PPP2R5C: variants seen among roughly 807,000 people sequenced by gnomAD.
The protein encoded by PPP2R5C is protein phosphatase 2 regulatory subunit B'gamma.
Under a neutral mutation model 68.9 loss-of-function variants are expected in PPP2R5C, and 7 were observed. The observed-to-expected ratio is 0.10, with a 90% CI of 0.06 to 0.19. PPP2R5C has a LOEUF of 0.19. Ranked by LOEUF, PPP2R5C falls within the 10% of genes least tolerant of loss-of-function variation. PPP2R5C has a pLI of 1.00. For missense variants in PPP2R5C, 348 were observed against 641.3 expected (o/e 0.54, Z 4.94); for synonymous variants, 210 against 222.2 (o/e 0.95, Z 0.49).
intron 1 of PPP2R5C, among the ~76,000 whole-genome samples, chr14:101,813,399 C>T (rs1176681614): frequency 6.6e-6 from 1 of 152,150 alleles, no homozygotes; most frequent in Non-Finnish European, 1.5e-5. Context: ...TGGATTTGGC[C>T]CATGGACCAT....
intron 2 of PPP2R5C, among the ~76,000 whole-genome samples, chr14:101,878,447 C>T (rs970480647): frequency 5.3e-5 from 8 of 152,164 alleles, no homozygotes; most frequent in African/African-American, 1.4e-4. Flanking sequence ...TGTCACTGTG[C>T]GGGAGAGCTT....
At chr14:101,883,732 C>T (rs2044303246) in intron 5 of PPP2R5C, among the ~76,000 whole-genome samples, 170 bp downstream of exon 7, 1 of 152,116 alleles carries the variant, frequency 6.6e-6, no homozygotes, top group Non-Finnish European at 1.5e-5. Flanking sequence ...GTGCAGGGGG[C>T]TGCTGGGCTC....
chr14:101,819,182 C>T, intron 1 of PPP2R5C: 1 of 1,142,142 alleles, frequency 8.8e-7, no homozygotes, highest in Non-Finnish European at 1.3e-6. Flanking sequence ...GGTTTTTTTC[C>T]CAGCTTTATG....
chr14:101,887,845 T>C (rs368886758), intron 5 of PPP2R5C, among the ~76,000 whole-genome samples: 29 of 152,224 alleles, frequency 1.9e-4, no homozygotes, highest in African/African-American at 6.5e-4. Context: ...TGGAGACTTC[T>C]ATAGCCAGCA....
intron 1 of PPP2R5C, among the ~76,000 whole-genome samples, chr14:101,854,856 A>G (rs1022945737): frequency 3.9e-5 from 6 of 152,194 alleles, no homozygotes; most frequent in Non-Finnish European, 7.3e-5. Context: ...TTTTAACAGA[A>G]ATAACACATT....
At chr14:101,788,850 A>G (rs1595168183) in intron 3 of PPP2R5C, among the ~76,000 whole-genome samples, 2 of 152,232 alleles carry the variant, frequency 1.3e-5, no homozygotes, top group Non-Finnish European at 2.9e-5. Flanking sequence ...CCATCTAGGA[A>G]GATGGTATAT....
chr14:101,857,315 A>G (rs538813765), intron 2 of PPP2R5C, among the ~76,000 whole-genome samples: 97 of 152,378 alleles, frequency 6.4e-4, no homozygotes, highest in African/African-American at 2.2e-3. Flanking sequence ...AAATATTGAC[A>G]GAACCAAGCT....
At chr14:101,923,289 G>A (rs1595569315) in intron 13 of PPP2R5C, among the ~76,000 whole-genome samples, 1 of 152,222 alleles carries the variant, frequency 6.6e-6, no homozygotes, top group Non-Finnish European at 1.5e-5. Flanking sequence ...TCATGTTTGT[G>A]TTCTCAGTTT....
intron 1 of PPP2R5C, among the ~76,000 whole-genome samples, chr14:101,828,959 G>C (rs1401886435): frequency 1.3e-5 from 2 of 152,152 alleles, no homozygotes; most frequent in Non-Finnish European, 2.9e-5. Context: ...GAGTACAGGC[G>C]CAAGCCACCG....
rs1280317238 is a variant in PPP2R5C, at chr14:101,917,950, A to G, written c.1443+3A>G. ...CAGTGAAGGACGAGGCTCATCAGGTAAAAGTGCACCGAGCTCAGCTGGGCA... is the reference window on the plus strand; with the variant it reads ...CAGTGAAGGACGAGGCTCATCAGGTGAAAGTGCACCGAGCTCAGCTGGGCA... On this transcript the variant is annotated splice_donor_region_variant and intron_variant, in intron 13 of 13. Coordinates refer to ENST00000334743, the Ensembl canonical transcript of PPP2R5C. The surrounding 1 kb of genome is among the most constrained non-coding windows in gnomAD (Gnocchi z 4.4). 1 of 1,613,860 alleles carries G rather than the reference A, an allele frequency of 6.2e-7. No individual in the cohort carries two copies. Among genetic ancestry groups the G allele is most frequent in the South Asian group, 1.1e-5 (1 of 91,082 alleles).
intron 1 of PPP2R5C, among the ~76,000 whole-genome samples, chr14:101,762,592 G>A (rs562270293): frequency 1.3e-5 from 2 of 152,268 alleles, no homozygotes; most frequent in East Asian, 3.9e-4. Flanking sequence ...TAGGGTTTAG[G>A]GTGGGAGGGT....
exon 14 of PPP2R5C, chr14:101,926,169 G>A (rs1036123090): frequency 3.3e-5 from 5 of 152,248 alleles, no homozygotes; most frequent in Admixed American, 2.6e-4. Flanking sequence ...GAAAGTTAGA[G>A]CAAAATCATT....
chr14:101,858,174 C>G (rs906107226), intron 2 of PPP2R5C, among the ~76,000 whole-genome samples: 34 of 152,260 alleles, frequency 2.2e-4, no homozygotes, highest in African/African-American at 7.5e-4. Flanking sequence ...CTTACCTGTT[C>G]AGACTAATGA....
intron 3 of PPP2R5C, 67 bp downstream of exon 3, chr14:101,786,250 G>A: frequency 7.4e-7 from 1 of 1,356,598 alleles, no homozygotes; most frequent in Non-Finnish European, 9.8e-7. Context: ...TGTTTTGATA[G>A]TGTGCTAATT....
chr14:101,852,442 TTTTTTCTTTTTTTTCATTTTC>T (rs1365200794), intron 1 of PPP2R5C, among the ~76,000 whole-genome samples: 35 of 151,872 alleles, frequency 2.3e-4, no homozygotes, highest in Non-Finnish European at 3.7e-4. Context: ...CACATTCTTT[TTTTTTCTTTTTTTTCATTTTC>T]TTTTTCTTTT....
chr14:101,833,956 C>G (rs2040924133), intron 1 of PPP2R5C, among the ~76,000 whole-genome samples: 1 of 152,182 alleles, frequency 6.6e-6, no homozygotes, highest in South Asian at 2.1e-4. Flanking sequence ...CACCCGCCAC[C>G]TGCCACCACG....
At chr14:101,780,337 C>T (rs1370003698) in intron 2 of PPP2R5C, among the ~76,000 whole-genome samples, 1 of 152,140 alleles carries the variant, frequency 6.6e-6, no homozygotes, top group African/African-American at 2.4e-5. Context: ...GCTGGTTCCT[C>T]CTCTCCTTTT....
rs2038685449 is a variant in PPP2R5C at position 101,797,776 on chromosome 14, C to G, written c.259+11593C>G. 6.4e-6 allele frequency: 1 copy of G among 155,428 alleles called. No individual in the cohort carries two copies. Among genetic ancestry groups the G allele is most frequent in the Non-Finnish European group, 1.4e-5 (1 of 70,200 alleles). 9.6% of individuals were successfully genotyped at this position (155,428 alleles called of 1,614,324 possible). A position where few individuals can be genotyped will look rare whatever the true frequency, so the allele number is the denominator to read the frequency against. On this transcript the variant is annotated intron_variant, in intron 3 of 14. Transcript: ENST00000328724. The surrounding 1 kb of genome is among the most constrained non-coding windows in gnomAD (Gnocchi z 4.2). The stretch of plus-strand genomic sequence containing the variant: ...AACAAGGAAGGAGTGTGAGTACTTG[C>G]TTTGGATTGAAAGGTTTTCCAGACT...
At chr14:101,908,269 T>C (rs917414750) in intron 10 of PPP2R5C, among the ~76,000 whole-genome samples, 1 of 152,250 alleles carries the variant, frequency 6.6e-6, no homozygotes, top group Non-Finnish European at 1.5e-5. Context: ...CTGATAGCAG[T>C]GGAGGCAGCA....
Sources: allele counts gnomAD v4.1 joint callset (sites outside exome capture counted in the v4.1 genomes callset), GRCh38; gene constraint gnomAD v4.1.1; non-coding constraint Gnocchi (gnomAD v3.1); transcripts MANE v1.5; gene names NCBI Gene and HGNC (gene_info 2026-07-23, HGNC 2026-07-21).